BSG: variants seen among roughly 807,000 people sequenced by gnomAD.
BSG encodes basigin (Ok blood group), also known as basigin.
In BSG, 37 loss-of-function variants were observed where a neutral mutation model predicts 43.1. The observed-to-expected ratio is 0.86, with a 90% CI of 0.66 to 1.13. The LOEUF is 1.13. Among genes scored for constraint, BSG ranks in the 50% most tolerant of loss-of-function variants. The probability of loss-of-function intolerance (pLI) is 0.00; values close to 1 mark genes in which losing one functional copy is unlikely to be tolerated. For synonymous variants in BSG, 309 were observed against 238.7 expected, an observed-to-expected ratio of 1.29 and a Z score of -2.72; for missense variants, 599 against 554.2, an observed-to-expected ratio of 1.08 and a Z score of -0.81.
At chr19:582,104 A>G (rs1274065988) in intron 6 of BSG, among the ~76,000 whole-genome samples, 1 of 152,086 alleles carries the variant, frequency 6.6e-6, no homozygotes, top group African/African-American at 2.4e-5. Context: ...TGGGGAGCAC[A>G]CCTGCAGGTG....
upstream of BSG, chr19:571,746 G>T: frequency 3.1e-6 from 2 of 654,834 alleles, no homozygotes; most frequent in South Asian, 3.4e-5. Flanking sequence ...AGAGCACACG[G>T]GACAAAGGAA....
rs575212330 is a variant in BSG at position 582,797 on chromosome 19, C to T, written c.*53C>T. ...TCCACGTCTGCGCCGCCGCCGGAGTCCACTCCCAGTGCTTGCAAGATTCCA... is the reference window on the plus strand; with the variant it reads ...TCCACGTCTGCGCCGCCGCCGGAGTTCACTCCCAGTGCTTGCAAGATTCCA... On this transcript the variant is annotated 3_prime_UTR_variant, in exon 9 of 9. Coordinates refer to ENST00000333511, the MANE Select transcript of BSG (RefSeq NM_001728.4). 39 of 594,126 alleles carry T rather than the reference C, an allele frequency of 6.6e-5. 1 individual carries two copies. In the South Asian group the frequency reaches 7.5e-4, roughly 11 times the overall value. 36.8% of individuals were successfully genotyped at this position (594,126 alleles called of 1,614,324 possible).
intron 1 of BSG, among the ~76,000 whole-genome samples, chr19:574,829 G>T (rs1158734200): frequency 2.6e-5 from 4 of 152,188 alleles, no homozygotes; most frequent in Non-Finnish European, 5.9e-5. Flanking sequence ...CCCCAGCACT[G>T]CGGCCAGCTC....
At chr19:571,402 G>A, upstream of BSG, 2 of 654,558 alleles carry the variant, frequency 3.1e-6, no homozygotes, top group Non-Finnish European at 2.7e-6. Context: ...TCCAAGAGAC[G>A]CCCCCACCTG....
chr19:573,022 T>C (rs888822720), intron 1 of BSG, among the ~76,000 whole-genome samples: 1 of 152,028 alleles, frequency 6.6e-6, no homozygotes, highest in Non-Finnish European at 1.5e-5. Context: ...CCGGTCTTGG[T>C]CAGGGGAGGT....
At position 579,648 on chromosome 19, in the gene BSG, G is replaced by A. The variant is rs752515024; in HGVS notation, c.564G>A (p.Thr188=). The A allele has an allele frequency of 2.2e-5, 35 of 1,609,224 alleles. No individual in the cohort carries two copies. In the Middle Eastern group the frequency reaches 8.4e-4, roughly 39 times the overall value. ...AGGACGCGCTGCCCGGCCAGAAAAC[G>A]GAGTTCAAGTGAGTGCCTGACCACG... The part of the protein sequence containing the change: ...LKEDALPGQK[T]EFKVDSDDQW... Residue 188 remains threonine, a synonymous_variant, in exon 3 of 9, where the codon ACG becomes ACA. Coordinates refer to ENST00000333511, the MANE Select transcript of BSG (RefSeq NM_001728.4).
rs1409395215 is a variant in BSG, at chr19:581,416, G to A, written c.894G>A (p.Gln298=). The A allele has an allele frequency of 1.2e-6, 2 of 1,612,664 alleles. No homozygotes were observed. The highest frequency in any genetic ancestry group is 2.7e-5 in the African/African-American group (2 of 74,950). The part of the protein sequence containing the change: ...ENLNMEADPG[Q]YRCNGTSSKG... ...TGAACATGGAGGCCGACCCCGGCCA[G>A]TACCGGTGCAACGGCACCAGCTCCA... is the stretch of plus-strand genomic sequence containing the variant. The change falls in exon 6 of 9, where the codon CAG becomes CAA. Residue 298 remains glutamine, a synonymous_variant. Coordinates refer to ENST00000333511, the MANE Select transcript of BSG (RefSeq NM_001728.4).
chr19:572,756 C>T, intron 1 of BSG, 55 bp downstream of exon 1: 1 of 1,374,514 alleles, frequency 7.3e-7, no homozygotes, highest in Non-Finnish European at 9.5e-7. Flanking sequence ...GGAATGGAGG[C>T]CGCGGTGCCG....
intron 2 of BSG, chr19:579,269 G>C (rs1010698316): frequency 2.6e-5 from 13 of 498,910 alleles, no homozygotes; most frequent in Admixed American, 1.8e-4. Context: ...CTTCCCGAAG[G>C]GGGTGCCTTC....
Position 572,786 on chromosome 19 carries a change from C to T in BSG, c.67+85C>T, listed in dbSNP as rs567401469. 5.7e-5 allele frequency: 74 copies of T among 1,291,186 alleles called. No individual in the cohort carries two copies. In the East Asian group the frequency reaches 2.1e-3, roughly 37 times the overall value. 80.0% of individuals were successfully genotyped at this position (1,291,186 alleles called of 1,614,324 possible). On this transcript the variant is annotated intron_variant, in intron 1 of 8. Coordinates refer to ENST00000333511, the MANE Select transcript of BSG (RefSeq NM_001728.4). ...GTGCCGACCCGAAGCCGACGGGAGC[C>T]TGGGGCCTCGGCGCGGGGCGGCCTG...
chr19:573,103 G>A (rs1981428337), intron 1 of BSG, among the ~76,000 whole-genome samples: 1 of 139,448 alleles, frequency 7.2e-6, no homozygotes, highest in African/African-American at 2.7e-5. Context: ...CTGCGAAGGC[G>A]GTTGGAGGTG....
In BSG at chr19:578,036, C is replaced by G; in HGVS notation, c.330C>G (p.Ala110=). 1 of 1,611,630 alleles carries G rather than the reference C, an allele frequency of 6.2e-7. No homozygotes were observed. The highest frequency in any genetic ancestry group is 8.5e-7 in the Non-Finnish European group (1 of 1,179,436). ...EEDTGTYECR[A]SNDPDRNHLT... is the part of the protein sequence containing the mutation. ...ACACGGGCACTTACGAGTGCCGGGC[C>G]AGCAACGACCCGGATCGCAACCACC... Residue 110 remains alanine (A), a synonymous_variant, in exon 2 of 9, where the codon GCC becomes GCG. Transcript: ENST00000333511.
Position 577,976 on chromosome 19 carries a change from C to G in BSG, c.270C>G (p.Ala90=). Residue 90 remains alanine (A), a synonymous_variant, in exon 2 of 9, where the codon GCC becomes GCG. Transcript: ENST00000333511. ...ACGCCACCTACCACCAGCACGCGGC[C>G]AGCACCATCTCCATCGACACGCTCG... The part of the protein sequence containing the change: ...HIHATYHQHA[A]STISIDTLVE... 1 of 1,612,224 alleles carries G rather than the reference C, an allele frequency of 6.2e-7. No individual in the cohort carries two copies. Among genetic ancestry groups the G allele is most frequent in the Non-Finnish European group, 8.5e-7 (1 of 1,179,704 alleles).
At chr19:575,648 C>T (rs1423281255) in intron 1 of BSG, among the ~76,000 whole-genome samples, 1 of 148,342 alleles carries the variant, frequency 6.7e-6, no homozygotes, top group Non-Finnish European at 1.5e-5. Context: ...CCTTATCCTG[C>T]GGGGCTGCTT....
Position 580,444 on chromosome 19 carries a change from C to T in BSG, c.638C>T (p.Ala213Val). ...CVFLPEPMGT[A>V]NIQLHGPPRV... ...TTCCTCCCCGAGCCCATGGGCACGGCCAACATCCAGCTCCACGGTGAGTCC... is the reference window on the plus strand; with the variant it reads ...TTCCTCCCCGAGCCCATGGGCACGGTCAACATCCAGCTCCACGGTGAGTCC... The change falls in exon 4 of 9, where the codon GCC (alanine) becomes GTC (valine). Residue 213 changes from alanine to valine, a missense_variant. Coordinates refer to ENST00000333511, the MANE Select transcript of BSG (RefSeq NM_001728.4). 6.2e-7 allele frequency: 1 copy of T among 1,610,914 alleles called. No individual in the cohort carries two copies. Among genetic ancestry groups the T allele is most frequent in the East Asian group, 2.2e-5 (1 of 44,854 alleles).
intron 2 of BSG, 77 bp from the exon 3 acceptor site, chr19:579,423 C>G (rs775042951): frequency 5.4e-5 from 85 of 1,582,968 alleles, no homozygotes; most frequent in Admixed American, 2.0e-4. Flanking sequence ...GGAGGAGCCG[C>G]AGGTTCCTGG....
At chr19:573,405 C>G (rs150718850) in intron 1 of BSG, among the ~76,000 whole-genome samples, 4 of 152,200 alleles carry the variant, frequency 2.6e-5, no homozygotes, top group Non-Finnish European at 5.9e-5. Context: ...GGAAAAGGGG[C>G]TTTTGTCCTC....
intron 1 of BSG, among the ~76,000 whole-genome samples, chr19:577,331 G>A (rs530577828): frequency 2.5e-4 from 38 of 152,182 alleles, no homozygotes; most frequent in African/African-American, 8.9e-4. Context: ...CGGGCTAGGG[G>A]CTTCTGGACA....
chr19:579,686 C>G lies in BSG; in HGVS notation c.572+30C>G, dbSNP rs773294258. ...GTGCCTGACCACGCCATGCCGCCACCTGCCCCTTCTCACGGCTCTCTTGCC... is the reference window on the plus strand; with the variant it reads ...GTGCCTGACCACGCCATGCCGCCACGTGCCCCTTCTCACGGCTCTCTTGCC... On this transcript the variant is annotated intron_variant, in intron 3 of 8. Transcript: ENST00000333511. 20 of 1,579,136 alleles carry G rather than the reference C, an allele frequency of 1.3e-5. No individual in the cohort carries two copies. The Admixed American group carries it at 3.5e-4, about 28-fold the overall frequency.
Sources: gnomAD v4.1 joint callset for allele counts (sites outside exome capture counted in the v4.1 genomes callset) on GRCh38, gnomAD v4.1.1 for gene constraint, MANE v1.5 for transcripts, NCBI Gene and HGNC (gene_info 2026-07-23, HGNC 2026-07-21) for gene names.